C21orf91: variants seen among roughly 807,000 people sequenced by gnomAD.
The protein encoded by C21orf91 is chromosome 21 open reading frame 91, also known as protein EURL homolog.
C21orf91 carries 26 observed loss-of-function variants against 32.9 expected under a neutral mutation model. That is an observed-to-expected ratio of 0.79 (90% CI 0.58 to 1.10). The LOEUF is 1.10. Among genes scored for constraint, C21orf91 ranks in the 50% least tolerant of loss-of-function variants. The pLI is 0.00. For missense variants in C21orf91, 310 were observed against 341.3 expected (o/e 0.91, Z 0.72); for synonymous variants, 126 against 120.4 (o/e 1.05, Z -0.31).
At chr21:17,800,619 AG>A (rs1304694291) in intron 2 of C21orf91, among the ~76,000 whole-genome samples, 1 of 152,220 alleles carries the variant, frequency 6.6e-6, no homozygotes, top group Middle Eastern at 3.2e-3. Context: ...AGCTTTTGAA[AG>A]GGAATAAATC....
At chr21:17,798,110 T>C (rs1205565013) in intron 2 of C21orf91, among the ~76,000 whole-genome samples, 1 of 152,112 alleles carries the variant, frequency 6.6e-6, no homozygotes, top group African/African-American at 2.4e-5. Context: ...TAAATCTGCT[T>C]AGCTTTTCAA....
In C21orf91 at chr21:17,818,178, T is replaced by C. The variant is rs749685390; in HGVS notation, c.127+14A>G. The C allele has an allele frequency of 6.3e-7, 1 of 1,599,608 alleles. No homozygotes were observed. The highest frequency in any genetic ancestry group is 8.6e-7 in the Non-Finnish European group (1 of 1,167,900). ...AATTCATTCCATAAGATCAAAACTA[T>C]ACTGTGTCCTTACCCTCAATATTTA... On this transcript the variant is annotated intron_variant, in intron 2 of 4. Coordinates refer to ENST00000284881, the MANE Select transcript of C21orf91 (RefSeq NM_001100420.2).
intron 2 of C21orf91, among the ~76,000 whole-genome samples, chr21:17,805,304 C>T (rs777547592): frequency 1.8e-4 from 27 of 152,104 alleles, no homozygotes; most frequent in Non-Finnish European, 3.4e-4. Context: ...CTTTTAAAAC[C>T]GTAATGACTG....
intron 4 of C21orf91, among the ~76,000 whole-genome samples, chr21:17,794,433 A>G (rs1288730947): frequency 2.6e-5 from 4 of 152,214 alleles, no homozygotes; most frequent in Non-Finnish European, 5.9e-5. Flanking sequence ...TCTCTTTTAG[A>G]GGAAATCCTA....
At chr21:17,798,380 A>C (rs2062535837) in intron 2 of C21orf91, among the ~76,000 whole-genome samples, 1 of 152,206 alleles carries the variant, frequency 6.6e-6, no homozygotes, top group Non-Finnish European at 1.5e-5. Context: ...GGACTTGATG[A>C]GACTGTCAAA....
chr21:17,797,937 A>G (rs535455088), intron 2 of C21orf91, among the ~76,000 whole-genome samples: 99 of 152,204 alleles, frequency 6.5e-4, no homozygotes, highest in African/African-American at 2.2e-3. Flanking sequence ...TTATAAAAAT[A>G]TAAAACATTT....
intron 2 of C21orf91, among the ~76,000 whole-genome samples, chr21:17,805,353 A>G (rs899028407): frequency 2.6e-5 from 4 of 152,084 alleles, no homozygotes; most frequent in Admixed American, 2.0e-4. Flanking sequence ...TGCTTTTGTC[A>G]CCCAGGCTGG....
chr21:17,790,719 G>A lies in C21orf91; in HGVS notation c.*2696C>T, dbSNP rs2062466725. ...AGACTAATTTAGATATTAATATGAG[G>A]ATCAAAGGATAAGATGATAATCTCA... On this transcript the variant is annotated 3_prime_UTR_variant, in exon 5 of 5. Coordinates refer to ENST00000284881, the MANE Select transcript of C21orf91 (RefSeq NM_001100420.2). 2 of 151,998 alleles carry A rather than the reference G, an allele frequency of 1.3e-5. No homozygotes were observed. The highest frequency in any genetic ancestry group is 4.8e-5 in the African/African-American group (2 of 41,408). 9.4% of individuals were successfully genotyped at this position (151,998 alleles called of 1,614,324 possible).
intron 2 of C21orf91, among the ~76,000 whole-genome samples, chr21:17,806,286 G>A (rs1490378594): frequency 6.6e-6 from 1 of 152,190 alleles, no homozygotes; most frequent in Non-Finnish European, 1.5e-5. Flanking sequence ...AAAAGAGGGT[G>A]GCAAATTAGA....
intron 2 of C21orf91, among the ~76,000 whole-genome samples, chr21:17,806,491 T>G (rs1215314053): frequency 7.2e-6 from 1 of 138,240 alleles, no homozygotes; most frequent in East Asian, 2.2e-4. Flanking sequence ...AACTGTAGGT[T>G]GCCAAGCTGA....
intron 2 of C21orf91, among the ~76,000 whole-genome samples, chr21:17,813,241 G>A (rs1489770624): frequency 2.0e-5 from 3 of 152,168 alleles, no homozygotes; most frequent in Non-Finnish European, 4.4e-5. Context: ...GTCAGAAGCA[G>A]GACATAGAGG....
At position 17,793,580 on chromosome 21, in the gene C21orf91, T is replaced by C; in HGVS notation, c.729A>G (p.Glu243=). The C allele has an allele frequency of 6.2e-7, 1 of 1,601,940 alleles. No individual in the cohort carries two copies. Among genetic ancestry groups the C allele is most frequent in the Non-Finnish European group, 8.5e-7 (1 of 1,173,122 alleles). Reference sequence around the variant, plus strand: ...CTTGGTGAGTTAACTCTTCAAAAACTTCTGTAAAAGATTTAAAAACTTTCA... The same window carrying C: ...CTTGGTGAGTTAACTCTTCAAAAACCTCTGTAAAAGATTTAAAAACTTTCA... The part of the protein sequence containing the change: ...LNAKLLQQIQ[E]VFEELTHQVQ... Residue 243 remains glutamate (E), a splice_region_variant and synonymous_variant, in exon 5 of 5, where the codon GAA becomes GAG. Transcript: ENST00000284881.
intron 2 of C21orf91, among the ~76,000 whole-genome samples, chr21:17,803,138 AGTT>A (rs570208305): frequency 7.9e-5 from 12 of 152,374 alleles, no homozygotes; most frequent in African/African-American, 2.6e-4. Flanking sequence ...TTAAGTGTCC[AGTT>A]GTTAACATGC....
chr21:17,814,807 T>C (rs1474675464), intron 2 of C21orf91, among the ~76,000 whole-genome samples: 1 of 152,172 alleles, frequency 6.6e-6, no homozygotes, highest in Non-Finnish European at 1.5e-5. Flanking sequence ...CCTAGAACAC[T>C]GGGGATTACA....
In C21orf91 at chr21:17,789,586, A is replaced by G. The variant is rs1281865860; in HGVS notation, c.*3829T>C. 1 of 152,160 alleles carries G rather than the reference A, an allele frequency of 6.6e-6. No individual in the cohort carries two copies. The highest frequency in any genetic ancestry group is 1.5e-5 in the Non-Finnish European group (1 of 67,986). The allele number at this position is 152,160 out of a possible 1,614,324, so 9.4% of individuals were successfully genotyped here. A position where few individuals can be genotyped will look rare whatever the true frequency, so the allele number is the denominator to read the frequency against. ...GGACTCAAACTAAAAAGAACAGGGA[A>G]AGTGTATGTTAACAAACTAGATGTT... On this transcript the variant is annotated 3_prime_UTR_variant, in exon 5 of 5. Coordinates refer to ENST00000284881, the MANE Select transcript of C21orf91 (RefSeq NM_001100420.2).
intron 2 of C21orf91, among the ~76,000 whole-genome samples, chr21:17,810,222 A>T (rs1261605103): frequency 6.6e-6 from 1 of 152,190 alleles, no homozygotes; most frequent in East Asian, 1.9e-4. Flanking sequence ...CTCATTTCCC[A>T]TAATATAGTG....
At chr21:17,800,031 A>G (rs1045627885) in intron 2 of C21orf91, among the ~76,000 whole-genome samples, 2 of 152,304 alleles carry the variant, frequency 1.3e-5, no homozygotes, top group East Asian at 1.9e-4. Flanking sequence ...TCTAAAGAAC[A>G]TATCAGTGGC....
At chr21:17,807,095 T>C (rs537622695) in intron 2 of C21orf91, among the ~76,000 whole-genome samples, 21 of 152,360 alleles carry the variant, frequency 1.4e-4, no homozygotes, top group African/African-American at 4.8e-4. Context: ...CTATACTGTA[T>C]TTATTCTACT....
intron 2 of C21orf91, among the ~76,000 whole-genome samples, chr21:17,806,063 G>A (rs1600883515): frequency 6.6e-6 from 1 of 152,256 alleles, no homozygotes; most frequent in Non-Finnish European, 1.5e-5. Flanking sequence ...AGATGAATGA[G>A]GGCACACTAT....
Sources: allele counts gnomAD v4.1 joint callset (sites outside exome capture counted in the v4.1 genomes callset), GRCh38; gene constraint gnomAD v4.1.1; transcripts MANE v1.5; gene names NCBI Gene and HGNC (gene_info 2026-07-23, HGNC 2026-07-21).